Variants in FIBCD1 observed in about 807,000 individuals in gnomAD.
FIBCD1 encodes fibrinogen C domain-containing protein 1.
A neutral mutation model predicts 45.1 loss-of-function variants in FIBCD1; 47 were observed. That is an observed-to-expected ratio of 1.04 (90% CI 0.82 to 1.33). FIBCD1 has a LOEUF of 1.33. Among genes scored for constraint, FIBCD1 ranks in the 40% most tolerant of loss-of-function variants. The pLI is 0.00. For missense variants in FIBCD1, 653 were observed against 682.2 expected (o/e 0.96, Z 0.48); for synonymous variants, 313 against 308.1 (o/e 1.02, Z -0.17).
rs373525799 is a variant in FIBCD1 at position 130,923,730 on chromosome 9, C to A, written c.849+14G>T. On this transcript the variant is annotated intron_variant, in intron 4 of 6. Coordinates refer to ENST00000372338, the MANE Select transcript of FIBCD1 (RefSeq NM_032843.5). ...GGTGCCTGCCCTGCCGCCCGCCCAG[C>A]CTGGGACACTCACCGTCCAGCCGCC... 1.2e-6 allele frequency: 2 copies of A among 1,611,060 alleles called. No homozygotes were observed. The highest frequency in any genetic ancestry group is 2.2e-5 in the South Asian group (2 of 90,988).
At chr9:130,939,480 G>A (rs1832580519), upstream of FIBCD1, among the ~76,000 whole-genome samples, 1 of 152,130 alleles carries the variant, frequency 6.6e-6, no homozygotes, top group South Asian at 2.1e-4. Flanking sequence ...CGACGCGTGA[G>A]CCTGGCCGGT....
At chr9:130,930,745 C>T in intron 1 of FIBCD1, 4 of 455,812 alleles carry the variant, frequency 8.8e-6, no homozygotes, top group Non-Finnish European at 1.8e-5. Context: ...GCATTTCCCA[C>T]AGTGTGACCT....
Position 130,929,638 on chromosome 9 carries a change from G to T in FIBCD1, c.481C>A (p.Leu161Met). 1 of 1,574,614 alleles carries T rather than the reference G, an allele frequency of 6.4e-7. No individual in the cohort carries two copies. The change falls in exon 2 of 7, where the codon CTG (leucine) becomes ATG (methionine). Residue 161 changes from leucine to methionine, a missense_variant. Transcript: ENST00000372338. ...CCCAGCGTGCCATGCCCCTTCCGCAGCCCCATGCACTCCGTCTGCAGCTCT... is the reference window on the plus strand; with the variant it reads ...CCCAGCGTGCCATGCCCCTTCCGCATCCCCATGCACTCCGTCTGCAGCTCT... ...ASELQTECMG[L>M]RKGHGTLGQG...
rs200655516 is a variant in FIBCD1 at position 130,938,591 on chromosome 9, C to T, written c.17G>A (p.Trp6Ter). 1.4e-3 allele frequency: 2,135 copies of T among 1,477,688 alleles called. 7 individuals are homozygous for T. The highest frequency in any genetic ancestry group is 1.8e-3 in the Non-Finnish European group (1,975 of 1,118,056). 91.5% of individuals were successfully genotyped at this position (1,477,688 alleles called of 1,614,324 possible). The change falls in exon 1 of 7, where the codon TGG becomes TAG. Residue 6 changes from tryptophan (W) to a stop codon, truncating the protein, a stop_gained. Transcript: ENST00000372338. LOFTEE classifies it high-confidence loss of function. MVNDR[W>*]KTMGGAAQLE... ...TTGGGCAGCGCCGCCCATGGTCTTC[C>T]ACCGGTCGTTGACCATCTTCCGGCA...
chr9:130,913,510 G>A (rs1271918662), intron 4 of FIBCD1, among the ~76,000 whole-genome samples: 1 of 152,182 alleles, frequency 6.6e-6, no homozygotes, highest in Admixed American at 6.5e-5. Context: ...CCGTCACGGC[G>A]TTTGGGCAGC....
chr9:130,919,993 G>A (rs943272886), intron 4 of FIBCD1, among the ~76,000 whole-genome samples: 1 of 152,158 alleles, frequency 6.6e-6, no homozygotes, highest in Non-Finnish European at 1.5e-5. Context: ...TGGGGGCGGG[G>A]AGCCCAGGCA....
Position 130,921,926 on chromosome 9 carries a change from G to A in FIBCD1, c.849+1818C>T, listed in dbSNP as rs116688708. Reference sequence around the variant, plus strand: ...GGGTCTTGTGGGGATTCTCATCTGCGCACGCTGACTCCTAACATAGCAGGC... The same window carrying A: ...GGGTCTTGTGGGGATTCTCATCTGCACACGCTGACTCCTAACATAGCAGGC... On this transcript the variant is annotated intron_variant, in intron 4 of 6. Coordinates refer to ENST00000372338, the MANE Select transcript of FIBCD1 (RefSeq NM_032843.5). Among the ~76,000 whole-genome samples the A allele has an allele frequency of 2.4e-3, 367 of 152,332 alleles. 1 individual carries two copies. Among genetic ancestry groups the A allele is most frequent in the African/African-American group, 8.3e-3 (347 of 41,564 alleles).
At chr9:130,925,310 C>G (rs1832340597) in intron 2 of FIBCD1, among the ~76,000 whole-genome samples, 1 of 152,148 alleles carries the variant, frequency 6.6e-6, no homozygotes, top group African/African-American at 2.4e-5. Context: ...GGGGCAGGGA[C>G]CAGGACTCAG....
intron 4 of FIBCD1, among the ~76,000 whole-genome samples, chr9:130,912,227 G>A (rs1188125375): frequency 6.6e-6 from 1 of 151,638 alleles, no homozygotes; most frequent in African/African-American, 2.4e-5. Context: ...ACAACATAGT[G>A]AGACCCCATC....
intron 2 of FIBCD1, among the ~76,000 whole-genome samples, chr9:130,924,891 G>A (rs1276074199): frequency 1.3e-5 from 2 of 152,206 alleles, no homozygotes; most frequent in Non-Finnish European, 2.9e-5. Context: ...ACAACACATG[G>A]GAGGTGCCCA....
Position 130,938,578 on chromosome 9 carries a change from G to A in FIBCD1, c.30C>T (p.Gly10=). 6.7e-7 allele frequency: 1 copy of A among 1,488,072 alleles called. No individual in the cohort carries two copies. The highest frequency in any genetic ancestry group is 1.3e-5 in the South Asian group (1 of 79,156). 92.2% of individuals were successfully genotyped at this position (1,488,072 alleles called of 1,614,324 possible). A position where few individuals can be genotyped will look rare whatever the true frequency, so the allele number is the denominator to read the frequency against. Residue 10 remains glycine, a synonymous_variant, in exon 1 of 7, where the codon GGC becomes GGT. Coordinates refer to ENST00000372338, the MANE Select transcript of FIBCD1 (RefSeq NM_032843.5). The stretch of plus-strand genomic sequence containing the variant: ...GCCGGTCCTCAAGTTGGGCAGCGCC[G>A]CCCATGGTCTTCCACCGGTCGTTGA... MVNDRWKTM[G]GAAQLEDRPR...
In FIBCD1 at chr9:130,911,704, C is replaced by T. The variant is rs1832052071; in HGVS notation, c.946+88G>A. 3 of 1,245,504 alleles carry T rather than the reference C, an allele frequency of 2.4e-6. No individual in the cohort carries two copies. The African/African-American group carries it at 4.5e-5, about 19-fold the overall frequency. The allele number at this position is 1,245,504 out of a possible 1,614,324, so 77.2% of individuals were successfully genotyped here. A position where few individuals can be genotyped will look rare whatever the true frequency, so the allele number is the denominator to read the frequency against. ...CGAGGCCAGGGAAACCCAGCCCAAACCCATTCAGGGAGCAGCTGGGACCCA... is the reference window on the plus strand; with the variant it reads ...CGAGGCCAGGGAAACCCAGCCCAAATCCATTCAGGGAGCAGCTGGGACCCA... On this transcript the variant is annotated intron_variant, in intron 5 of 6. Transcript: ENST00000372338.
rs972404897 is a variant in FIBCD1, at chr9:130,903,442, G to A, written c.*622C>T. 7 of 168,604 alleles carry A rather than the reference G, an allele frequency of 4.2e-5. No individual in the cohort carries two copies. Among genetic ancestry groups the A allele is most frequent in the African/African-American group, 9.6e-5 (4 of 41,840 alleles). 10.4% of individuals were successfully genotyped at this position (168,604 alleles called of 1,614,324 possible). ...AGGGAACTGGTCTCAGCCTTGGAGC[G>A]TGGGTCCCCAAAGGCAGCAGCTCCC... On this transcript the variant is annotated 3_prime_UTR_variant, in exon 7 of 7. Coordinates refer to ENST00000372338, the MANE Select transcript of FIBCD1 (RefSeq NM_032843.5).
In FIBCD1 at chr9:130,907,898, C is replaced by CA. The variant is rs11301443; in HGVS notation, c.947-2486dup. Among the ~76,000 whole-genome samples the CA allele has an allele frequency of 4.3e-4, 34 of 78,674 alleles. 1 individual carries two copies. In the South Asian group the frequency reaches 5.7e-3, roughly 13 times the overall value. The allele number at this position is 78,674 out of a possible 152,430, so 51.6% of individuals were successfully genotyped here. A position where few individuals can be genotyped will look rare whatever the true frequency, so the allele number is the denominator to read the frequency against. ...TGAACTACAGAGTGAGACTCTGTCT[C>CA]AAAAAAAAAAAAAAAAAGAAAGAAA... On this transcript the variant is annotated intron_variant, in intron 5 of 6. Coordinates refer to ENST00000372338, the MANE Select transcript of FIBCD1 (RefSeq NM_032843.5).
rs570373292 is a variant in FIBCD1, at chr9:130,936,754, T to G, written c.72+1782A>C. Among the ~76,000 whole-genome samples the G allele has an allele frequency of 7.8e-4, 119 of 152,296 alleles. 1 individual carries two copies. The highest frequency in any genetic ancestry group is 2.0e-3 in the Admixed American group (30 of 15,312). On this transcript the variant is annotated intron_variant, in intron 1 of 6. Transcript: ENST00000372338. The stretch of plus-strand genomic sequence containing the variant: ...TGAGCTGCCTGGAAAGAATGGAGCT[T>G]GGGCCCAGGGAGAGATGCAGAGATG...
chr9:130,939,326 C>A (rs1564343309), upstream of FIBCD1: 1 of 152,180 alleles, frequency 6.6e-6, no homozygotes, highest in African/African-American at 2.4e-5. Context: ...GGACGCAGGG[C>A]TCGCCCCAAG....
rs376569017 is a variant in FIBCD1 at position 130,920,458 on chromosome 9, C to T, written c.849+3286G>A. On this transcript the variant is annotated intron_variant, in intron 4 of 6. Coordinates refer to ENST00000372338, the MANE Select transcript of FIBCD1 (RefSeq NM_032843.5). ...GTACCCATTTTACAGATGAGAAAAGCGAGACTTAACAGAGGTAAAGCTACA... is the reference window on the plus strand; with the variant it reads ...GTACCCATTTTACAGATGAGAAAAGTGAGACTTAACAGAGGTAAAGCTACA... 5.3e-5 allele frequency among the ~76,000 whole-genome samples: 8 copies of T among 152,204 alleles called. No individual in the cohort carries two copies. In the East Asian group the frequency reaches 5.8e-4, roughly 11 times the overall value.
At chr9:130,913,443 T>G (rs1832102214) in intron 4 of FIBCD1, among the ~76,000 whole-genome samples, 1 of 152,258 alleles carries the variant, frequency 6.6e-6, no homozygotes, top group Non-Finnish European at 1.5e-5. Flanking sequence ...CCGAGGCGTC[T>G]GCCGCGTGAG....
intron 5 of FIBCD1, among the ~76,000 whole-genome samples, chr9:130,909,812 G>C (rs2133072688): frequency 6.6e-6 from 1 of 152,228 alleles, no homozygotes; most frequent in Admixed American, 6.5e-5. Context: ...AATACTGAGT[G>C]AATTTAAACA....
Sources: allele counts gnomAD v4.1 joint callset (sites outside exome capture counted in the v4.1 genomes callset), GRCh38; gene constraint gnomAD v4.1.1; transcripts MANE v1.5; gene names NCBI Gene and HGNC (gene_info 2026-07-23, HGNC 2026-07-21).